Variants in NRXN1 observed in about 807,000 individuals in gnomAD.
NRXN1 encodes the protein neurexin 1.
Under a neutral mutation model 150.9 loss-of-function variants are expected in NRXN1, and 39 were observed. The observed-to-expected ratio is 0.26, with a 90% CI of 0.20 to 0.34. NRXN1 has a LOEUF of 0.34. Ranked by LOEUF, NRXN1 falls within the 10% of genes least tolerant of loss-of-function variation. The probability of loss-of-function intolerance (pLI) is 1.00; values close to 1 mark genes in which losing one functional copy is unlikely to be tolerated. For synonymous variants in NRXN1, 924 were observed against 757.0 expected (o/e 1.22, Z -3.62); for missense variants, 1,815 against 1,949.9 (o/e 0.93, Z 1.30).
intron 17 of NRXN1, among the ~76,000 whole-genome samples, chr2:50,384,712 G>T (rs1213637253): frequency 6.6e-6 from 1 of 151,760 alleles, no homozygotes; most frequent in African/African-American, 2.4e-5. Flanking sequence ...TTAAATCCAT[G>T]AATTTCACAC....
intron 17 of NRXN1, among the ~76,000 whole-genome samples, chr2:50,441,182 T>C (rs961550451): frequency 9.2e-5 from 14 of 152,288 alleles, no homozygotes; most frequent in African/African-American, 3.1e-4. Context: ...TAAGAAATGT[T>C]AATCCCCGTG....
intron 18 of NRXN1, among the ~76,000 whole-genome samples, chr2:50,197,514 A>T (rs768277067): frequency 1.3e-5 from 2 of 152,146 alleles, no homozygotes; most frequent in African/African-American, 2.4e-5. Context: ...ACAGAGATTG[A>T]AGTAACGCAT....
intron 5 of NRXN1, among the ~76,000 whole-genome samples, chr2:50,915,357 C>T (rs1685069101): frequency 6.6e-6 from 1 of 151,508 alleles, no homozygotes; most frequent in Non-Finnish European, 1.5e-5. Flanking sequence ...ATTGGTACCT[C>T]CAGTCCATGA....
chr2:50,828,419 C>T (rs1285650451), intron 5 of NRXN1, among the ~76,000 whole-genome samples: 9 of 151,758 alleles, frequency 5.9e-5, no homozygotes, highest in African/African-American at 2.2e-4. Flanking sequence ...GGAGGGGCTC[C>T]TCACTTCTCA....
chr2:50,873,190 T>TA (rs1185169038), intron 5 of NRXN1, among the ~76,000 whole-genome samples: 8 of 151,884 alleles, frequency 5.3e-5, no homozygotes, highest in Non-Finnish European at 1.2e-4. Context: ...CCCTTGAGGC[T>TA]GTTATAAGGA....
intron 5 of NRXN1, among the ~76,000 whole-genome samples, chr2:50,825,645 T>A (rs1014208339): frequency 6.6e-6 from 1 of 152,192 alleles, no homozygotes; most frequent in Non-Finnish European, 1.5e-5. Flanking sequence ...ATATTCTTTA[T>A]AATAATCAAG....
At chr2:50,877,764 C>T (rs1678823476) in intron 5 of NRXN1, among the ~76,000 whole-genome samples, 1 of 151,826 alleles carries the variant, frequency 6.6e-6, no homozygotes, top group South Asian at 2.1e-4. Flanking sequence ...CTCATAAAAC[C>T]ATGAGTGTAA....
intron 17 of NRXN1, among the ~76,000 whole-genome samples, chr2:50,377,870 GA>G (rs1325522216): frequency 1.3e-5 from 2 of 152,298 alleles, no homozygotes; most frequent in East Asian, 3.9e-4. Context: ...AAAGGCAATG[GA>G]AAGTGGGAAG....
At chr2:51,027,454 G>A (rs769664701) in intron 2 of NRXN1, 48 bp downstream of exon 2, 132 of 1,471,880 alleles carry the variant, frequency 9.0e-5, no homozygotes, top group South Asian at 4.5e-4. Flanking sequence ...CCTCCTCCCC[G>A]AGCCCCGCCC....
chr2:50,614,700 G>T (rs1261325868), intron 8 of NRXN1, among the ~76,000 whole-genome samples: 1 of 105,904 alleles, frequency 9.4e-6, no homozygotes, highest in Non-Finnish European at 1.9e-5. Context: ...GGAAGTAGAA[G>T]TAGATTAACC....
intron 18 of NRXN1, among the ~76,000 whole-genome samples, chr2:50,232,328 T>G (rs1327097259): frequency 6.6e-6 from 1 of 151,958 alleles, no homozygotes; most frequent in Non-Finnish European, 1.5e-5. Context: ...GCTTCTAGGA[T>G]GTACTGAAGT....
chr2:50,393,176 AT>A (rs200772399), intron 17 of NRXN1, among the ~76,000 whole-genome samples: 16,849 of 147,288 alleles, frequency 0.11, 1,526 homozygotes, highest in East Asian at 0.35. Flanking sequence ...AAAAAAAAAA[AT>A]AATAATAAAA....
chr2:50,333,636 G>A (rs117895913), intron 17 of NRXN1, among the ~76,000 whole-genome samples: 2 of 152,070 alleles, frequency 1.3e-5, no homozygotes, highest in African/African-American at 2.4e-5. Context: ...CCTCCCGAAG[G>A]TGTCTGAAAG....
intron 5 of NRXN1, among the ~76,000 whole-genome samples, chr2:50,696,660 C>G (rs1172048951): frequency 6.6e-6 from 1 of 152,168 alleles, no homozygotes; most frequent in Admixed American, 6.5e-5. Context: ...GAGAAACCAG[C>G]AAGCACACCC....
At chr2:50,523,936 G>A (rs2092869862) in intron 12 of NRXN1, among the ~76,000 whole-genome samples, 1 of 152,130 alleles carries the variant, frequency 6.6e-6, no homozygotes, top group South Asian at 2.1e-4. Flanking sequence ...AAAGTACTTG[G>A]AAGGTCTGCT....
chr2:50,937,035 G>C (rs531671320), intron 2 of NRXN1, among the ~76,000 whole-genome samples: 3 of 152,200 alleles, frequency 2.0e-5, no homozygotes, highest in Admixed American at 6.5e-5. Context: ...TCTAGGGTCT[G>C]TTATCACAAA....
At chr2:50,271,443 GTGCA>G (rs2069614492) in intron 17 of NRXN1, among the ~76,000 whole-genome samples, 1 of 152,156 alleles carries the variant, frequency 6.6e-6, no homozygotes, top group Non-Finnish European at 1.5e-5. Flanking sequence ...AATTGGTGCA[GTGCA>G]ACTAAGAGCT....
At chr2:50,635,509 C>A (rs568640545) in intron 5 of NRXN1, among the ~76,000 whole-genome samples, 1 of 152,124 alleles carries the variant, frequency 6.6e-6, no homozygotes, top group Non-Finnish European at 1.5e-5. Context: ...TCTACCCTGC[C>A]AGTCCTCTTC....
intron 22 of NRXN1, among the ~76,000 whole-genome samples, chr2:49,943,288 T>A (rs553841165): frequency 3.9e-5 from 6 of 152,316 alleles, no homozygotes; most frequent in Admixed American, 2.0e-4. Flanking sequence ...TAAGGTAATT[T>A]GCTGGCAGAG....
Sources: gnomAD v4.1 joint callset for allele counts (sites outside exome capture counted in the v4.1 genomes callset) on GRCh38, gnomAD v4.1.1 for gene constraint, MANE v1.5 for transcripts, NCBI Gene and HGNC (gene_info 2026-07-23, HGNC 2026-07-21) for gene names.